The following POLI variants were observed in gnomAD, a reference collection of about 807,000 sequenced individuals.
POLI encodes RAD30 homolog B.
In POLI, 58 loss-of-function variants were observed where a neutral mutation model predicts 51.6. That is an observed-to-expected ratio of 1.12 (90% CI 0.91 to 1.40). The LOEUF (loss-of-function observed/expected upper bound fraction) is 1.40. Ranked by LOEUF, POLI falls within the 40% of genes most tolerant of loss-of-function variation. POLI has a pLI of 0.00. For missense variants in POLI, 921 were observed against 871.3 expected, an observed-to-expected ratio of 1.06 and a Z score of -0.72; for synonymous variants, 322 against 299.7, an observed-to-expected ratio of 1.07 and a Z score of -0.77.
intron 4 of POLI, among the ~76,000 whole-genome samples, chr18:54,278,090 A>G (rs1265785707): frequency 6.6e-6 from 1 of 152,204 alleles, no homozygotes; most frequent in African/African-American, 2.4e-5. Flanking sequence ...TGCACAGAGC[A>G]TTGTTCCTGT....
chr18:54,271,580 A>G, intron 2 of POLI, 95 bp downstream of exon 2: 1 of 882,902 alleles, frequency 1.1e-6, no homozygotes, highest in Non-Finnish European at 1.7e-6. Context: ...TTATTAAGAA[A>G]GATTTTGGAA....
In POLI at chr18:54,294,990, A is replaced by G. The variant is rs776152566; in HGVS notation, c.*523A>G. The G allele has an allele frequency of 4.8e-5, 47 of 984,744 alleles. No homozygotes were observed. Among genetic ancestry groups the G allele is most frequent in the Non-Finnish European group, 5.5e-5 (46 of 829,398 alleles). The allele number at this position is 984,744 out of a possible 1,614,324, so 61.0% of individuals were successfully genotyped here. On this transcript the variant is annotated 3_prime_UTR_variant, in exon 10 of 10. Transcript: ENST00000579534. Reference sequence around the variant, plus strand: ...TACCAAAGCAATTTATATTCAATTAATGCTTCTTCATACACCAAGAATCTA... The same window carrying G: ...TACCAAAGCAATTTATATTCAATTAGTGCTTCTTCATACACCAAGAATCTA...
downstream of POLI, among the ~76,000 whole-genome samples, chr18:54,298,714 G>A (rs1342769551): frequency 6.7e-6 from 1 of 149,470 alleles, no homozygotes; most frequent in Non-Finnish European, 1.5e-5. Flanking sequence ...CCTCAGCCTC[G>A]AGTAGCTGGG....
rs2088266923 is a variant in POLI at position 54,295,290 on chromosome 18, A to T, written c.*823A>T. The T allele has an allele frequency of 9.1e-6, 9 of 984,844 alleles. No homozygotes were observed. Among genetic ancestry groups the T allele is most frequent in the Non-Finnish European group, 1.1e-5 (9 of 829,388 alleles). 61.0% of individuals were successfully genotyped at this position (984,844 alleles called of 1,614,324 possible). A position where few individuals can be genotyped will look rare whatever the true frequency, so the allele number is the denominator to read the frequency against. On this transcript the variant is annotated 3_prime_UTR_variant, in exon 10 of 10. Transcript: ENST00000579534. ...TGAGATGTTTTTGTATCTTCCCTAC[A>T]TTTGGAGATGATATTAGGTTGTCAT...
chr18:54,277,468 G>A (rs886848711), intron 3 of POLI, among the ~76,000 whole-genome samples: 1 of 152,102 alleles, frequency 6.6e-6, no homozygotes, highest in African/African-American at 2.4e-5. Flanking sequence ...ATATTGCCAT[G>A]AATAACTGCC....
intron 7 of POLI, among the ~76,000 whole-genome samples, chr18:54,285,069 G>C (rs1006777304): frequency 2.3e-4 from 35 of 152,170 alleles, no homozygotes; most frequent in African/African-American, 8.2e-4. Flanking sequence ...AACTGAAGAA[G>C]TGAAATTTCC....
At chr18:54,290,581 A>T (rs1030586591) in intron 8 of POLI, among the ~76,000 whole-genome samples, 1 of 152,224 alleles carries the variant, frequency 6.6e-6, no homozygotes, top group Non-Finnish European at 1.5e-5. Flanking sequence ...AACCAACCCA[A>T]ATGTCCATCA....
At position 54,295,287 on chromosome 18, in the gene POLI, T is replaced by G. The variant is rs1599253669; in HGVS notation, c.*820T>G. On this transcript the variant is annotated 3_prime_UTR_variant, in exon 10 of 10. Coordinates refer to ENST00000579534, the MANE Select transcript of POLI (RefSeq NM_007195.3). The stretch of plus-strand genomic sequence containing the variant: ...CACTGAGATGTTTTTGTATCTTCCC[T>G]ACATTTGGAGATGATATTAGGTTGT... 1.0e-6 allele frequency: 1 copy of G among 984,204 alleles called. No homozygotes were observed. The allele number at this position is 984,204 out of a possible 1,614,324, so 61.0% of individuals were successfully genotyped here.
chr18:54,287,592 A>T, intron 8 of POLI, 181 bp downstream of exon 8: 2 of 482,268 alleles, frequency 4.1e-6, no homozygotes, highest in Admixed American at 3.3e-5. Flanking sequence ...TTATTTATTT[A>T]TTTTTTGAGA....
intron 7 of POLI, among the ~76,000 whole-genome samples, chr18:54,286,217 G>A (rs2087734577): frequency 6.6e-6 from 1 of 152,042 alleles, no homozygotes; most frequent in Non-Finnish European, 1.5e-5. Context: ...TTAACAATGT[G>A]CAATACTTGC....
Position 54,282,924 on chromosome 18 carries a change from A to G in POLI, c.884A>G (p.Glu295Gly), listed in dbSNP as rs746783214. 5 of 1,602,954 alleles carry G rather than the reference A, an allele frequency of 3.1e-6. No homozygotes were observed. The African/African-American group carries it at 6.7e-5, about 21-fold the overall frequency. The change falls in exon 6 of 10, where the codon GAA (glutamate) becomes GGA (glycine). Residue 295 changes from glutamate to glycine, a missense_variant. Coordinates refer to ENST00000579534, the MANE Select transcript of POLI (RefSeq NM_007195.3). ...DLQTFSPKILEKELGISVAQR... is the reference protein window; with the variant it reads ...DLQTFSPKILGKELGISVAQR... ...CAAACCTTTTCACCCAAAATTTTAGAAAAAGAATTAGGAATTTCAGTTGCT... is the reference window on the plus strand; with the variant it reads ...CAAACCTTTTCACCCAAAATTTTAGGAAAAGAATTAGGAATTTCAGTTGCT...
chr18:54,301,330 A>G (rs1248649296), downstream of POLI, among the ~76,000 whole-genome samples: 1 of 152,128 alleles, frequency 6.6e-6, no homozygotes, highest in Non-Finnish European at 1.5e-5. Flanking sequence ...AATTGCTAAA[A>G]TGAACATACA....
downstream of POLI, among the ~76,000 whole-genome samples, chr18:54,302,149 TG>T (rs754689082): frequency 2.1e-4 from 32 of 152,304 alleles, no homozygotes; most frequent in Non-Finnish European, 3.1e-4. Flanking sequence ...ATCTTTCCTT[TG>T]GGGCTGGTTA....
chr18:54,320,877 A>G (rs775383582), intron 4 of POLI, among the ~76,000 whole-genome samples: 1 of 152,070 alleles, frequency 6.6e-6, no homozygotes, highest in Non-Finnish European at 1.5e-5. Context: ...ATAATAATAC[A>G]TAATAATAAT....
At position 54,294,339 on chromosome 18, in the gene POLI, G is replaced by A. The variant is rs1487099441; in HGVS notation, c.2095G>A (p.Asp699Asn). ...LTENREPDSV[D>N]EKITFPSDID... ...AGAAAATAGAGAGCCAGATTCTGTT[G>A]ATGAGAAAATTACTTTCCCTTCTGA... Residue 699 changes from aspartate to asparagine, a missense_variant, in exon 10 of 10, where the codon GAT becomes AAT. Transcript: ENST00000579534. 2 of 1,613,574 alleles carry A rather than the reference G, an allele frequency of 1.2e-6. No individual in the cohort carries two copies. Among genetic ancestry groups the A allele is most frequent in the South Asian group, 1.1e-5 (1 of 91,060 alleles).
At chr18:54,313,346 T>G (rs1018227681) in intron 3 of POLI, among the ~76,000 whole-genome samples, 3 of 152,170 alleles carry the variant, frequency 2.0e-5, no homozygotes, top group African/African-American at 4.8e-5. Flanking sequence ...TATTTTCGTT[T>G]CTGTAACCTT....
intron 7 of POLI, among the ~76,000 whole-genome samples, chr18:54,285,354 C>T (rs1217300780): frequency 6.6e-6 from 1 of 152,144 alleles, no homozygotes; most frequent in Non-Finnish European, 1.5e-5. Context: ...AGAGTCAACC[C>T]AGAAGTGAGA....
At chr18:54,292,254 AAG>A (rs916099327) in intron 9 of POLI, among the ~76,000 whole-genome samples, 1 of 152,142 alleles carries the variant, frequency 6.6e-6, no homozygotes, top group African/African-American at 2.4e-5. Context: ...CACTGGATAA[AAG>A]AGAGAACCAT....
At chr18:54,303,182 G>T (rs973352681), downstream of POLI, among the ~76,000 whole-genome samples, 2 of 152,106 alleles carry the variant, frequency 1.3e-5, no homozygotes, top group African/African-American at 4.8e-5. Context: ...ATACTTGGAG[G>T]CATCCCCAAG....
Sources: allele counts gnomAD v4.1 joint callset (sites outside exome capture counted in the v4.1 genomes callset), GRCh38; gene constraint gnomAD v4.1.1; transcripts MANE v1.5; gene names NCBI Gene and HGNC (gene_info 2026-07-23, HGNC 2026-07-21).